The following KCNQ1 variants were observed in gnomAD, a reference collection of about 807,000 sequenced individuals.
KCNQ1 encodes potassium voltage-gated channel subfamily Q member 1, also known as potassium voltage-gated channel subfamily KQT member 1.
KCNQ1 carries 49 observed loss-of-function variants against 72.4 expected under a neutral mutation model. The observed-to-expected ratio is 0.68, with a 90% CI of 0.54 to 0.86. The LOEUF (loss-of-function observed/expected upper bound fraction) is 0.86. Ranked by LOEUF, KCNQ1 falls within the 40% of genes least tolerant of loss-of-function variation. The pLI is 0.00. For missense variants in KCNQ1, 790 were observed against 945.1 expected (o/e 0.84, Z 2.15); for synonymous variants, 450 against 412.6 (o/e 1.09, Z -1.10).
At chr11:2,847,013 G>A (rs528500202) in intron 15 of KCNQ1, among the ~76,000 whole-genome samples, 1 of 152,358 alleles carries the variant, frequency 6.6e-6, no homozygotes, top group East Asian at 1.9e-4. Flanking sequence ...ACCACAGAAT[G>A]TGGGTGCAGA....
In KCNQ1 at chr11:2,783,366, A is replaced by G. The variant is rs150714399; in HGVS notation, c.1794+5329A>G. Among the ~76,000 whole-genome samples, 467 of 152,240 alleles carry G rather than the reference A, an allele frequency of 3.1e-3. 3 individuals are homozygous for G. The highest frequency in any genetic ancestry group is 5.0e-3 in the Non-Finnish European group (338 of 67,948). ...TTTTGAAATATGATTTACGGCAAAA[A>G]TGTGGTCAATTTTTGTAAATGTGCC... On this transcript the variant is annotated intron_variant, in intron 15 of 15. Transcript: ENST00000155840. The surrounding 1 kb of genome is among the most constrained non-coding windows in gnomAD (Gnocchi z 5.2).
chr11:2,474,111 C>G (rs913538714), intron 1 of KCNQ1, among the ~76,000 whole-genome samples: 2 of 152,018 alleles, frequency 1.3e-5, no homozygotes. Flanking sequence ...GTCTTTCTTT[C>G]GAAACAGGCT....
At chr11:2,490,513 C>G (rs900123448) in intron 1 of KCNQ1, among the ~76,000 whole-genome samples, 1 of 151,600 alleles carries the variant, frequency 6.6e-6, no homozygotes, top group Non-Finnish European at 1.5e-5. Context: ...CAGCACAGTC[C>G]CAGTGGTGGT....
rs1039626055 is a variant in KCNQ1 at position 2,536,074 on chromosome 11, T to C, written c.477+8056T>C. Among the ~76,000 whole-genome samples, 53 of 152,172 alleles carry C rather than the reference T, an allele frequency of 3.5e-4. No individual in the cohort carries two copies. Among genetic ancestry groups the C allele is most frequent in the African/African-American group, 1.3e-3 (53 of 41,454 alleles). The stretch of plus-strand genomic sequence containing the variant: ...CACATGCTCTGCCGAGCACACCCGC[T>C]GCTGTCCCCAGCCACCCAGCCCCAT... On this transcript the variant is annotated intron_variant, in intron 2 of 15. Coordinates refer to ENST00000155840, the MANE Select transcript of KCNQ1 (RefSeq NM_000218.3). The surrounding 1 kb of genome is among the most constrained non-coding windows in gnomAD (Gnocchi z 7.4).
chr11:2,554,251 A>G (rs1242063150), intron 2 of KCNQ1, among the ~76,000 whole-genome samples: 2 of 152,242 alleles, frequency 1.3e-5, no homozygotes, highest in Non-Finnish European at 2.9e-5. Flanking sequence ...TTTGATAGCT[A>G]GAACATGTGG....
At chr11:2,609,860 A>G in intron 10 of KCNQ1, 2 of 398,188 alleles carry the variant, frequency 5.0e-6, no homozygotes, top group Non-Finnish European at 8.9e-6. Context: ...TGCTGCTTAC[A>G]TGATATATCT....
chr11:2,794,341 G>A (rs996785596), intron 15 of KCNQ1, among the ~76,000 whole-genome samples: 1 of 152,212 alleles, frequency 6.6e-6, no homozygotes, highest in Non-Finnish European at 1.5e-5. Context: ...TGCTTTGCTC[G>A]GAGGGGTGCT....
rs1399613669 is a variant in KCNQ1 at position 2,670,737 on chromosome 11, A to G, written c.1514+8656A>G. The G allele has an allele frequency of 2.5e-6, 1 of 398,550 alleles. No individual in the cohort carries two copies. The highest frequency in any genetic ancestry group is 3.6e-5 in the East Asian group (1 of 28,062). The allele number at this position is 398,550 out of a possible 1,614,324, so 24.7% of individuals were successfully genotyped here. The stretch of plus-strand genomic sequence containing the variant: ...GAGCAGGAGGGAACAGTCTGCAGAT[A>G]TTATCTGGGCACTGGCCAGTGGCTC... On this transcript the variant is annotated intron_variant, in intron 11 of 15. Transcript: ENST00000155840. This position sits in a 1 kb window ranked among gnomAD's most constrained non-coding sequence, Gnocchi z 4.9.
rs2134049634 is a variant in KCNQ1, at chr11:2,817,538, AT to A, written c.1795-30225del. On this transcript the variant is annotated intron_variant, in intron 15 of 15. Transcript: ENST00000155840. This position sits in a 1 kb window ranked among gnomAD's most constrained non-coding sequence, Gnocchi z 6.1. ...ACCCTGTGAAAGAACAGGTTCCCCA[AT>A]TTTGGTTCATGGTACCTGAGATGAC... 6.6e-6 allele frequency among the ~76,000 whole-genome samples: 1 copy of A among 152,122 alleles called. No individual in the cohort carries two copies. Among genetic ancestry groups the A allele is most frequent in the South Asian group, 2.1e-4 (1 of 4,802 alleles).
At chr11:2,649,494 T>C (rs1294215833) in intron 10 of KCNQ1, 1 of 398,456 alleles carries the variant, frequency 2.5e-6, no homozygotes, top group Non-Finnish European at 4.4e-6. Flanking sequence ...CCCTCAGTTT[T>C]TGCTTGTCTG....
chr11:2,751,359 G>A (rs552636080), intron 11 of KCNQ1, among the ~76,000 whole-genome samples: 7 of 152,334 alleles, frequency 4.6e-5, no homozygotes, highest in South Asian at 2.1e-4. Flanking sequence ...GGACGCCAGC[G>A]TTTAGGAGCG....
intron 11 of KCNQ1, among the ~76,000 whole-genome samples, chr11:2,733,376 C>G (rs1845885246): frequency 6.6e-6 from 1 of 152,138 alleles, no homozygotes; most frequent in Non-Finnish European, 1.5e-5. Flanking sequence ...CCTCACTTTC[C>G]CACAAACCCT....
chr11:2,716,998 A>G (rs938977299), intron 11 of KCNQ1, among the ~76,000 whole-genome samples: 1 of 152,186 alleles, frequency 6.6e-6, no homozygotes, highest in Non-Finnish European at 1.5e-5. Context: ...TGGGCCCTGT[A>G]TTCGCCAGCA....
intron 10 of KCNQ1, chr11:2,630,855 T>C: frequency 2.5e-6 from 1 of 398,528 alleles, no homozygotes; most frequent in Non-Finnish European, 4.4e-6. Flanking sequence ...CTGTGTAAAG[T>C]ATTCTTAGAT....
chr11:2,725,157 C>T lies in KCNQ1; in HGVS notation c.1515-43687C>T, dbSNP rs1236728770. Among the ~76,000 whole-genome samples, 1 of 152,194 alleles carries T rather than the reference C, an allele frequency of 6.6e-6. No homozygotes were observed. The highest frequency in any genetic ancestry group is 1.5e-5 in the Non-Finnish European group (1 of 68,034). On this transcript the variant is annotated intron_variant, in intron 11 of 15. Coordinates refer to ENST00000155840, the MANE Select transcript of KCNQ1 (RefSeq NM_000218.3). This position sits in a 1 kb window ranked among gnomAD's most constrained non-coding sequence, Gnocchi z 7.2. Reference sequence around the variant, plus strand: ...GAGCCAGGGCAGGGTGGGGCAGGCACGGATTCCTGACGTGGAGACAGGAGG... The same window carrying T: ...GAGCCAGGGCAGGGTGGGGCAGGCATGGATTCCTGACGTGGAGACAGGAGG...
intron 15 of KCNQ1, among the ~76,000 whole-genome samples, chr11:2,835,097 G>A (rs537936586): frequency 1.2e-4 from 18 of 152,286 alleles, no homozygotes; most frequent in African/African-American, 3.6e-4. Context: ...GGGGCTGGGG[G>A]CTGCCCGCCC....
chr11:2,662,164 C>A, intron 11 of KCNQ1, 83 bp downstream of exon 11: 1 of 1,586,556 alleles, frequency 6.3e-7, no homozygotes, highest in South Asian at 1.1e-5. Flanking sequence ...GGAAGCCTTG[C>A]TCTCTGGCCA....
chr11:2,679,411 G>T lies in KCNQ1; in HGVS notation c.1514+17330G>T. 1 of 398,626 alleles carries T rather than the reference G, an allele frequency of 2.5e-6. No homozygotes were observed. Among genetic ancestry groups the T allele is most frequent in the South Asian group, 1.3e-4 (1 of 7,840 alleles). The allele number at this position is 398,626 out of a possible 1,614,324, so 24.7% of individuals were successfully genotyped here. On this transcript the variant is annotated intron_variant, in intron 11 of 15. Transcript: ENST00000155840. This position sits in a 1 kb window ranked among gnomAD's most constrained non-coding sequence, Gnocchi z 4.8. ...TTTATTTGTAAAATGGGAATCATAA[G>T]AGTACCTTCCTCAGAGGGTTGTTAG...
At chr11:2,662,200 C>A in intron 11 of KCNQ1, 119 bp downstream of exon 11, 1 of 1,390,362 alleles carries the variant, frequency 7.2e-7, no homozygotes, top group Non-Finnish European at 1.0e-6. Context: ...GCCTAGTGCC[C>A]ACCACTTGCC....
Sources: allele counts gnomAD v4.1 joint callset (sites outside exome capture counted in the v4.1 genomes callset), GRCh38; gene constraint gnomAD v4.1.1; non-coding constraint Gnocchi (gnomAD v3.1); transcripts MANE v1.5; gene names NCBI Gene and HGNC (gene_info 2026-07-23, HGNC 2026-07-21).